Variants in ACVR1C observed in about 807,000 individuals in gnomAD.
The protein encoded by ACVR1C is activin A receptor type 1C.
ACVR1C carries 23 observed loss-of-function variants against 57.9 expected under a neutral mutation model. The ratio of observed to expected loss-of-function variants is 0.40; its 90% CI spans 0.29 to 0.56. ACVR1C has a LOEUF of 0.56. Among genes scored for constraint, ACVR1C ranks in the 20% least tolerant of loss-of-function variants. ACVR1C has a pLI of 0.50. For missense variants in ACVR1C, 480 were observed against 607.9 expected, an observed-to-expected ratio of 0.79 and a Z score of 2.21; for synonymous variants, 214 against 215.3, an observed-to-expected ratio of 0.99 and a Z score of 0.05.
At chr2:157,579,575 C>A (rs1688736497) in intron 2 of ACVR1C, among the ~76,000 whole-genome samples, 1 of 152,108 alleles carries the variant, frequency 6.6e-6, no homozygotes, top group African/African-American at 2.4e-5. Flanking sequence ...AATATTTGGT[C>A]TATAATTTTT....
chr2:157,624,209 C>T (rs1454320), intron 1 of ACVR1C, among the ~76,000 whole-genome samples: 12,920 of 152,078 alleles, frequency 0.085, 717 homozygotes, highest in Non-Finnish European at 0.13. Flanking sequence ...GTATCCAAGC[C>T]CCTTCCCCAA....
chr2:157,626,050 C>G lies in ACVR1C; in HGVS notation c.73+2522G>C, dbSNP rs537557966. On this transcript the variant is annotated intron_variant, in intron 1 of 8. Transcript: ENST00000243349. ...TGGTGTGATCATGGCTCACTGCAAT[C>G]TTGAACTCCTGGTCTCAAGCAATTC... Among the ~76,000 whole-genome samples the G allele has an allele frequency of 3.3e-5, 5 of 152,300 alleles. No homozygotes were observed. The East Asian group carries it at 9.7e-4, about 29-fold the overall frequency.
At chr2:157,559,998 A>G (rs1688199226) in intron 2 of ACVR1C, among the ~76,000 whole-genome samples, 1 of 151,650 alleles carries the variant, frequency 6.6e-6, no homozygotes, top group Non-Finnish European at 1.5e-5. Flanking sequence ...GGAGGAAACG[A>G]AGGAAGGAAG....
chr2:157,620,392 T>A (rs1263274151), intron 1 of ACVR1C, among the ~76,000 whole-genome samples: 1 of 151,912 alleles, frequency 6.6e-6, no homozygotes, highest in Non-Finnish European at 1.5e-5. Flanking sequence ...AAAATGGAGA[T>A]GATAGAGAAA....
Position 157,531,068 on chromosome 2 carries a change from A to AT in ACVR1C, c.*2849_*2850insA, listed in dbSNP as rs1415816059. ...GATACTCTGAACATAACCTAAGGAG[A>AT]ATTTTTTTTTTTTTTGCTTATAACA... On this transcript the variant is annotated 3_prime_UTR_variant, in exon 9 of 9. Coordinates refer to ENST00000243349, the MANE Select transcript of ACVR1C (RefSeq NM_145259.3). 13 of 149,872 alleles carry AT rather than the reference A, an allele frequency of 8.7e-5. No individual in the cohort carries two copies. The East Asian group carries it at 2.8e-3, about 33-fold the overall frequency. The allele number at this position is 149,872 out of a possible 1,614,324, so 9.3% of individuals were successfully genotyped here. A position where few individuals can be genotyped will look rare whatever the true frequency, so the allele number is the denominator to read the frequency against.
intron 1 of ACVR1C, among the ~76,000 whole-genome samples, chr2:157,623,267 A>G (rs548015277): frequency 1.3e-5 from 2 of 152,300 alleles, no homozygotes; most frequent in Non-Finnish European, 2.9e-5. Context: ...ATATAACCCA[A>G]AAGAAAGAAA....
At chr2:157,560,142 C>A (rs1484236664) in intron 2 of ACVR1C, among the ~76,000 whole-genome samples, 1 of 152,142 alleles carries the variant, frequency 6.6e-6, no homozygotes, top group Non-Finnish European at 1.5e-5. Flanking sequence ...CAGCTTCTCC[C>A]AGAACAGTTT....
In ACVR1C at chr2:157,527,550, A is replaced by C. The variant is rs1384516449; in HGVS notation, c.*6368T>G. Reference sequence around the variant, plus strand: ...TCCAAAATTCCTTTTTTGAGATCTGAATCTAATTTTCTGTTTTTAGGACAT... The same window carrying C: ...TCCAAAATTCCTTTTTTGAGATCTGCATCTAATTTTCTGTTTTTAGGACAT... On this transcript the variant is annotated 3_prime_UTR_variant, in exon 9 of 9. Transcript: ENST00000243349. 1 of 152,200 alleles carries C rather than the reference A, an allele frequency of 6.6e-6. No homozygotes were observed. Among genetic ancestry groups the C allele is most frequent in the Non-Finnish European group, 1.5e-5 (1 of 68,022 alleles). The allele number at this position is 152,200 out of a possible 1,614,324, so 9.4% of individuals were successfully genotyped here. A position where few individuals can be genotyped will look rare whatever the true frequency, so the allele number is the denominator to read the frequency against.
chr2:157,623,774 T>C (rs986323197), intron 1 of ACVR1C, among the ~76,000 whole-genome samples: 2 of 152,128 alleles, frequency 1.3e-5, no homozygotes, highest in African/African-American at 4.8e-5. Flanking sequence ...AAGGATAAAA[T>C]GCTTGAGGGG....
chr2:157,592,616 C>T (rs147141447), intron 1 of ACVR1C, among the ~76,000 whole-genome samples: 11 of 152,016 alleles, frequency 7.2e-5, no homozygotes, highest in African/African-American at 1.7e-4. Context: ...AAGTAACATA[C>T]GACATACTCA....
chr2:157,620,661 T>C (rs1171503457), intron 1 of ACVR1C, among the ~76,000 whole-genome samples: 1 of 152,150 alleles, frequency 6.6e-6, no homozygotes, highest in Non-Finnish European at 1.5e-5. Context: ...TACAATGTGA[T>C]GTTTTGATAC....
intron 1 of ACVR1C, among the ~76,000 whole-genome samples, chr2:157,624,178 C>T (rs1682848049): frequency 6.6e-6 from 1 of 152,114 alleles, no homozygotes; most frequent in Admixed American, 6.6e-5. Flanking sequence ...AGGAACTAAA[C>T]AGCTTCAGGA....
intron 2 of ACVR1C, among the ~76,000 whole-genome samples, chr2:157,573,577 T>C (rs1688575136): frequency 6.6e-6 from 1 of 152,202 alleles, no homozygotes. Flanking sequence ...TATTTCCATA[T>C]GAAGGGCTGT....
chr2:157,592,514 CT>C (rs1351792046), intron 1 of ACVR1C, among the ~76,000 whole-genome samples: 1 of 152,080 alleles, frequency 6.6e-6, no homozygotes, highest in Admixed American at 6.6e-5. Context: ...CTTCAAACAT[CT>C]GCTACATGTT....
At position 157,544,736 on chromosome 2, in the gene ACVR1C, G is replaced by T. The variant is rs564575209; in HGVS notation, c.776-124C>A. The T allele has an allele frequency of 5.4e-5, 40 of 742,662 alleles. No individual in the cohort carries two copies. The East Asian group carries it at 1.1e-3, about 21-fold the overall frequency. The allele number at this position is 742,662 out of a possible 1,614,324, so 46.0% of individuals were successfully genotyped here. On this transcript the variant is annotated intron_variant, in intron 4 of 8. Transcript: ENST00000243349. The stretch of plus-strand genomic sequence containing the variant: ...CAAAGTTAATTGCTTCAGTGGTAAT[G>T]CTTACAGTCCAAGTTAGTAAAGAAA...
intron 1 of ACVR1C, among the ~76,000 whole-genome samples, chr2:157,592,428 C>T (rs370058537): frequency 2.0e-5 from 3 of 152,040 alleles, no homozygotes; most frequent in African/African-American, 7.2e-5. Context: ...ATAGTTAAGA[C>T]AGAAAGTGAC....
intron 1 of ACVR1C, among the ~76,000 whole-genome samples, chr2:157,588,687 C>A (rs1688985223): frequency 6.8e-6 from 1 of 147,036 alleles, no homozygotes; most frequent in African/African-American, 2.5e-5. Context: ...TGAAGACATG[C>A]AGTATTTTAT....
In ACVR1C at chr2:157,528,492, G is replaced by T. The variant is rs1032474651; in HGVS notation, c.*5426C>A. 4.6e-5 allele frequency: 7 copies of T among 152,082 alleles called. No individual in the cohort carries two copies. The highest frequency in any genetic ancestry group is 7.4e-5 in the Non-Finnish European group (5 of 67,994). The allele number at this position is 152,082 out of a possible 1,614,324, so 9.4% of individuals were successfully genotyped here. On this transcript the variant is annotated 3_prime_UTR_variant, in exon 9 of 9. Transcript: ENST00000243349. ...CTCTCGAATGTATTCATCTACAACT[G>T]AAAGAGAAAAGTATGCTGGCAGTTC...
In ACVR1C at chr2:157,597,638, T is replaced by C. The variant is rs1001807539; in HGVS notation, c.74-10221A>G. Reference sequence around the variant, plus strand: ...GGCAGCAGAAGCAGGAGGCAGGCTATTTTTTACAGAATGACCTCCACTCCG... The same window carrying C: ...GGCAGCAGAAGCAGGAGGCAGGCTACTTTTTACAGAATGACCTCCACTCCG... On this transcript the variant is annotated intron_variant, in intron 1 of 8. Coordinates refer to ENST00000243349, the MANE Select transcript of ACVR1C (RefSeq NM_145259.3). 9.0e-6 allele frequency: 8 copies of C among 885,408 alleles called. No homozygotes were observed. The African/African-American group carries it at 1.3e-4, about 14-fold the overall frequency. The allele number at this position is 885,408 out of a possible 1,614,324, so 54.8% of individuals were successfully genotyped here.
Sources: gnomAD v4.1 joint callset for allele counts (sites outside exome capture counted in the v4.1 genomes callset) on GRCh38, gnomAD v4.1.1 for gene constraint, MANE v1.5 for transcripts, NCBI Gene and HGNC (gene_info 2026-07-23, HGNC 2026-07-21) for gene names.